The following KIAA1958 variants were observed in gnomAD, a reference collection of about 807,000 sequenced individuals.
KIAA1958 encodes the protein uncharacterized protein KIAA1958.
Under a neutral mutation model 47.2 loss-of-function variants are expected in KIAA1958, and 14 were observed. That is an observed-to-expected ratio of 0.30 (90% CI 0.20 to 0.46). KIAA1958 has a LOEUF of 0.46. KIAA1958 is among the 20% of genes least tolerant of loss of function. KIAA1958 has a pLI of 1.00. For synonymous variants in KIAA1958, 354 were observed against 353.3 expected, an observed-to-expected ratio of 1.00 and a Z score of -0.02; for missense variants, 803 against 909.2, an observed-to-expected ratio of 0.88 and a Z score of 1.50.
intron 1 of KIAA1958, among the ~76,000 whole-genome samples, chr9:112,494,005 A>G (rs545166045): frequency 3.9e-4 from 60 of 152,376 alleles, no homozygotes; most frequent in African/African-American, 1.2e-3. Context: ...GACTGTTCCA[A>G]TAAAACTTAA....
At position 112,596,218 on chromosome 9, in the gene KIAA1958, G is replaced by A. The variant is rs151216514; in HGVS notation, c.1171+20967G>A. 3.5e-3 allele frequency among the ~76,000 whole-genome samples: 534 copies of A among 152,138 alleles called. 3 individuals are homozygous for A. The highest frequency in any genetic ancestry group is 6.3e-3 in the Non-Finnish European group (431 of 68,012). Reference sequence around the variant, plus strand: ...TACTTAATTTTTCACCCTTCATTTAGCAGGGAAAATAATACCTCTTATTCT... The same window carrying A: ...TACTTAATTTTTCACCCTTCATTTAACAGGGAAAATAATACCTCTTATTCT... On this transcript the variant is annotated intron_variant, in intron 2 of 3. Coordinates refer to ENST00000337530, the MANE Select transcript of KIAA1958 (RefSeq NM_133465.4).
intron 1 of KIAA1958, among the ~76,000 whole-genome samples, chr9:112,560,612 C>G (rs1234573616): frequency 6.6e-6 from 1 of 152,194 alleles, no homozygotes; most frequent in Non-Finnish European, 1.5e-5. Context: ...AAAGGTATAA[C>G]TAGTTTGCGT....
chr9:112,570,565 T>G (rs74598520), intron 1 of KIAA1958, among the ~76,000 whole-genome samples: 1 of 152,230 alleles, frequency 6.6e-6, no homozygotes, highest in Non-Finnish European at 1.5e-5. Context: ...TTTCACCATT[T>G]AGTAACCTTG....
At position 112,575,125 on chromosome 9, in the gene KIAA1958, C is replaced by A; in HGVS notation, c.1045C>A (p.Gln349Lys). The A allele has an allele frequency of 6.2e-7, 1 of 1,606,134 alleles. No individual in the cohort carries two copies. Among genetic ancestry groups the A allele is most frequent in the Non-Finnish European group, 8.5e-7 (1 of 1,179,926 alleles). The change falls in exon 2 of 4, where the codon CAG (glutamine) becomes AAG (lysine). Residue 349 changes from glutamine (Q) to lysine (K), a missense_variant. Physicochemically the swap from Gln to Lys is moderately conservative, Grantham distance 53. Coordinates refer to ENST00000337530, the MANE Select transcript of KIAA1958 (RefSeq NM_133465.4). ...AGAGTTCCTGTCCCATCTGCCCAGC[C>A]AGGTCTCCTCCTGTGAGGTAGCCCT... ...SEEFLSHLPS[Q>K]VSSCEVALSP...
At chr9:112,624,321 C>T (rs975891746) in intron 2 of KIAA1958, among the ~76,000 whole-genome samples, 2 of 152,200 alleles carry the variant, frequency 1.3e-5, no homozygotes, top group African/African-American at 2.4e-5. Context: ...CAAGGGCATC[C>T]TCAATCGTTG....
In KIAA1958 at chr9:112,666,646, G is replaced by A. The variant is rs1301440810; in HGVS notation, c.*6577G>A. On this transcript the variant is annotated 3_prime_UTR_variant, in exon 4 of 4. Transcript: ENST00000337530. ...TAGAAGGAATTGATGTAATTTATGA[G>A]GCATATGGAGGTAGCTTGGGGCAAA... The A allele has an allele frequency of 2.0e-5, 3 of 152,292 alleles. No homozygotes were observed. The East Asian group carries it at 5.8e-4, about 29-fold the overall frequency. The allele number at this position is 152,292 out of a possible 1,614,324, so 9.4% of individuals were successfully genotyped here.
Position 112,669,332 on chromosome 9 carries a change from C to A in KIAA1958, c.*9263C>A, listed in dbSNP as rs1012362348. The A allele has an allele frequency of 6.6e-6, 1 of 152,162 alleles. No homozygotes were observed. The highest frequency in any genetic ancestry group is 2.4e-5 in the African/African-American group (1 of 41,424). The allele number at this position is 152,162 out of a possible 1,614,324, so 9.4% of individuals were successfully genotyped here. On this transcript the variant is annotated 3_prime_UTR_variant, in exon 4 of 4. Transcript: ENST00000337530. ...GGTGGTTGTTGTTGTTGTTTGGGTTCACTTATGTATATGCAGCTTGACTGT... is the reference window on the plus strand; with the variant it reads ...GGTGGTTGTTGTTGTTGTTTGGGTTAACTTATGTATATGCAGCTTGACTGT...
intron 1 of KIAA1958, 41 bp downstream of exon 1, chr9:112,487,159 G>C: frequency 5.1e-6 from 1 of 194,814 alleles, no homozygotes; most frequent in South Asian, 6.3e-5. Flanking sequence ...CGAGTGCGCC[G>C]ACGCCGCGAC....
chr9:112,645,622 T>G (rs1836962111), intron 2 of KIAA1958, 28 bp from the exon 3 acceptor site: 3 of 1,501,518 alleles, frequency 2.0e-6, no homozygotes, highest in African/African-American at 2.8e-5. Context: ...GCAAATTATT[T>G]TAATGCTTTT....
chr9:112,523,312 G>A (rs1234957512), intron 1 of KIAA1958, among the ~76,000 whole-genome samples: 2 of 152,226 alleles, frequency 1.3e-5, no homozygotes, highest in South Asian at 2.1e-4. Context: ...TTAGCCGGGC[G>A]TGGTGATGTA....
intron 3 of KIAA1958, among the ~76,000 whole-genome samples, chr9:112,649,984 A>G (rs902768281): frequency 2.6e-5 from 4 of 152,114 alleles, no homozygotes; most frequent in African/African-American, 7.2e-5. Flanking sequence ...TCTTTCAAAG[A>G]TCACTGACTT....
rs934273100 is a variant in KIAA1958, at chr9:112,661,841, A to C, written c.*1772A>C. On this transcript the variant is annotated 3_prime_UTR_variant, in exon 4 of 4. Coordinates refer to ENST00000337530, the MANE Select transcript of KIAA1958 (RefSeq NM_133465.4). ...TGGTGTGGTTTCCTGTAGTGATCTTAGGGTTTTGATTTAAAAGAAATACAC... is the reference window on the plus strand; with the variant it reads ...TGGTGTGGTTTCCTGTAGTGATCTTCGGGTTTTGATTTAAAAGAAATACAC... The C allele has an allele frequency of 1.1e-4, 16 of 152,228 alleles. No individual in the cohort carries two copies. The highest frequency in any genetic ancestry group is 2.6e-4 in the Admixed American group (4 of 15,290). 9.4% of individuals were successfully genotyped at this position (152,228 alleles called of 1,614,324 possible). A position where few individuals can be genotyped will look rare whatever the true frequency, so the allele number is the denominator to read the frequency against.
intron 1 of KIAA1958, among the ~76,000 whole-genome samples, chr9:112,572,631 A>G (rs1035730144): frequency 2.0e-5 from 3 of 152,184 alleles, no homozygotes; most frequent in Non-Finnish European, 2.9e-5. Flanking sequence ...AAGTAGCCGC[A>G]GGTTCAGTTT....
chr9:112,541,965 A>C (rs917845490), intron 1 of KIAA1958, among the ~76,000 whole-genome samples: 3 of 152,204 alleles, frequency 2.0e-5, no homozygotes, highest in Admixed American at 2.0e-4. Context: ...AAGTATGCCT[A>C]TTTGCCAAAA....
chr9:112,527,800 G>T (rs1347469677), intron 1 of KIAA1958, among the ~76,000 whole-genome samples: 2 of 151,984 alleles, frequency 1.3e-5, no homozygotes, highest in East Asian at 1.9e-4. Context: ...AGCCCGGCAT[G>T]GTGGTGCGTG....
At chr9:112,607,500 G>T (rs1375986011) in intron 2 of KIAA1958, among the ~76,000 whole-genome samples, 1 of 152,010 alleles carries the variant, frequency 6.6e-6, no homozygotes, top group Non-Finnish European at 1.5e-5. Context: ...GCTTCCCTGT[G>T]CCCTGTTTGA....
chr9:112,522,646 T>C (rs367562740), intron 1 of KIAA1958, among the ~76,000 whole-genome samples: 2 of 152,238 alleles, frequency 1.3e-5, no homozygotes, highest in East Asian at 1.9e-4. Flanking sequence ...CTGACCCTCA[T>C]TGACCCAGTT....
At chr9:112,590,350 C>CTT (rs893352438) in intron 2 of KIAA1958, among the ~76,000 whole-genome samples, 160 of 134,292 alleles carry the variant, frequency 1.2e-3, no homozygotes, top group African/African-American at 3.5e-3. Flanking sequence ...AGACACCCTT[C>CTT]TTTTTTTTTT....
chr9:112,610,989 T>A (rs2131209643), intron 2 of KIAA1958, among the ~76,000 whole-genome samples: 1 of 152,320 alleles, frequency 6.6e-6, no homozygotes, highest in African/African-American at 2.4e-5. Flanking sequence ...TCTCCATAGA[T>A]GCTGAAAACC....
Sources: gnomAD v4.1 joint callset for allele counts (sites outside exome capture counted in the v4.1 genomes callset) on GRCh38, gnomAD v4.1.1 for gene constraint, MANE v1.5 for transcripts, NCBI Gene and HGNC (gene_info 2026-07-23, HGNC 2026-07-21) for gene names.